The following AUTS2 variants were observed in gnomAD, a reference collection of about 807,000 sequenced individuals.
AUTS2 encodes the protein autism susceptibility gene 2 protein.
AUTS2 carries 17 observed loss-of-function variants against 112.4 expected under a neutral mutation model. The ratio of observed to expected loss-of-function variants is 0.15; its 90% CI spans 0.10 to 0.23. The LOEUF (loss-of-function observed/expected upper bound fraction) is 0.23. AUTS2 is among the 10% of genes least tolerant of loss of function. The probability of loss-of-function intolerance (pLI) is 1.00; values close to 1 mark genes in which losing one functional copy is unlikely to be tolerated. For synonymous variants in AUTS2, 751 were observed against 702.7 expected (o/e 1.07, Z -1.09); for missense variants, 1,510 against 1,701.6 (o/e 0.89, Z 1.98).
At chr7:69,883,172 A>G (rs564756450) in intron 1 of AUTS2, among the ~76,000 whole-genome samples, 9 of 151,964 alleles carry the variant, frequency 5.9e-5, no homozygotes, top group Non-Finnish European at 1.3e-4. Flanking sequence ...GAAGTGGTCT[A>G]TTTTCCTGGA....
chr7:70,648,623 C>T (rs111550556), intron 5 of AUTS2, among the ~76,000 whole-genome samples: 36 of 152,184 alleles, frequency 2.4e-4, no homozygotes, highest in Middle Eastern at 3.4e-3. Flanking sequence ...ACTTTGTCAC[C>T]CAGGCTGGAG....
intron 4 of AUTS2, among the ~76,000 whole-genome samples, chr7:70,208,726 G>A (rs755269098): frequency 6.6e-6 from 1 of 151,924 alleles, no homozygotes; most frequent in Non-Finnish European, 1.5e-5. Flanking sequence ...TGGGTGGTGA[G>A]GATGTGAGTT....
At chr7:70,755,212 T>C (rs1205318585) in intron 6 of AUTS2, among the ~76,000 whole-genome samples, 1 of 151,826 alleles carries the variant, frequency 6.6e-6, no homozygotes, top group African/African-American at 2.4e-5. Flanking sequence ...AGTTTGAGGC[T>C]GCAATGGGCT....
chr7:70,454,649 C>A (rs184027957), intron 5 of AUTS2, among the ~76,000 whole-genome samples: 89 of 152,324 alleles, frequency 5.8e-4, no homozygotes, highest in African/African-American at 2.1e-3. Context: ...AATCCCAGCA[C>A]TTTGCGACTG....
At chr7:70,055,263 C>T (rs1373398753) in intron 2 of AUTS2, among the ~76,000 whole-genome samples, 7 of 152,104 alleles carry the variant, frequency 4.6e-5, no homozygotes, top group African/African-American at 1.7e-4. Flanking sequence ...GGAGAAACCT[C>T]ATCTCTACTA....
chr7:70,153,519 T>C (rs1384982217), intron 4 of AUTS2, among the ~76,000 whole-genome samples: 1 of 152,210 alleles, frequency 6.6e-6, no homozygotes, highest in Non-Finnish European at 1.5e-5. Flanking sequence ...GCTCCACAGA[T>C]ATATTTATAG....
intron 2 of AUTS2, among the ~76,000 whole-genome samples, chr7:69,987,804 T>G (rs534044137): frequency 2.2e-4 from 33 of 152,196 alleles, no homozygotes; most frequent in Non-Finnish European, 4.7e-4. Context: ...GTCATGACTA[T>G]TTTGACTATT....
chr7:70,321,559 A>T (rs1790254374), intron 4 of AUTS2, among the ~76,000 whole-genome samples: 1 of 152,176 alleles, frequency 6.6e-6, no homozygotes, highest in African/African-American at 2.4e-5. Flanking sequence ...AGTTTGGAGC[A>T]CCTTTGGGTG....
intron 6 of AUTS2, among the ~76,000 whole-genome samples, chr7:70,727,007 G>A (rs555187692): frequency 1.3e-5 from 2 of 152,132 alleles, no homozygotes; most frequent in African/African-American, 2.4e-5. Flanking sequence ...TCACTTCTCC[G>A]TGCCAGCTTT....
At chr7:69,915,720 A>T (rs1795549705) in intron 2 of AUTS2, among the ~76,000 whole-genome samples, 1 of 152,130 alleles carries the variant, frequency 6.6e-6, no homozygotes, top group African/African-American at 2.4e-5. Flanking sequence ...TTGAATAGAA[A>T]TTTTTATTTA....
rs116979117 is a variant in AUTS2 at position 70,626,488 on chromosome 7, A to G, written c.691-72081A>G. ...GGCTAGGTACCAGACAATGAAATATATTTTTTAAATAACTCACTTTTTAAA... is the reference window on the plus strand; with the variant it reads ...GGCTAGGTACCAGACAATGAAATATGTTTTTTAAATAACTCACTTTTTAAA... On this transcript the variant is annotated intron_variant, in intron 5 of 18. Coordinates refer to ENST00000342771, the MANE Select transcript of AUTS2 (RefSeq NM_015570.4). Among the ~76,000 whole-genome samples the G allele has an allele frequency of 3.3e-3, 507 of 151,796 alleles. 10 individuals carry two copies. The East Asian group carries it at 0.051, about 15-fold the overall frequency.
Position 70,122,801 on chromosome 7 carries a change from A to C in AUTS2, c.624+4568A>C, listed in dbSNP as rs146158135. Among the ~76,000 whole-genome samples, 368 of 150,798 alleles carry C rather than the reference A, an allele frequency of 2.4e-3. 3 individuals carry two copies. Among genetic ancestry groups the C allele is most frequent in the African/African-American group, 8.5e-3 (348 of 41,142 alleles). ...AGTCACATTTCCCTCACTCATGTGC[A>C]GGTCTGAGGTTGCAGAGTCCTGTGT... On this transcript the variant is annotated intron_variant, in intron 3 of 18. Coordinates refer to ENST00000342771, the MANE Select transcript of AUTS2 (RefSeq NM_015570.4).
chr7:70,518,407 G>A (rs916631956), intron 5 of AUTS2, among the ~76,000 whole-genome samples: 1 of 152,108 alleles, frequency 6.6e-6, no homozygotes, highest in Non-Finnish European at 1.5e-5. Flanking sequence ...TTTGGGCTGG[G>A]TGCGGTGGCT....
intron 1 of AUTS2, among the ~76,000 whole-genome samples, chr7:69,717,339 G>A (rs1423950928): frequency 6.6e-6 from 1 of 152,208 alleles, no homozygotes; most frequent in East Asian, 1.9e-4. Context: ...GGCTCTGGCT[G>A]ACAAAGCATT....
chr7:70,618,235 G>A (rs1379635243), intron 5 of AUTS2, among the ~76,000 whole-genome samples: 1 of 152,214 alleles, frequency 6.6e-6, no homozygotes, highest in Non-Finnish European at 1.5e-5. Context: ...GAGAGGCCAA[G>A]TGGTTGCCGT....
chr7:69,737,545 A>G (rs1177134024), intron 1 of AUTS2, among the ~76,000 whole-genome samples: 1 of 152,020 alleles, frequency 6.6e-6, no homozygotes, highest in Admixed American at 6.6e-5. Context: ...CCCATATCCC[A>G]TTAGGAACAG....
intron 2 of AUTS2, among the ~76,000 whole-genome samples, chr7:70,108,954 G>T (rs1043444584): frequency 6.6e-6 from 1 of 152,100 alleles, no homozygotes; most frequent in Admixed American, 6.6e-5. Flanking sequence ...CTTCAGTTTG[G>T]CTCCCAAGCC....
At chr7:70,057,813 A>C (rs1802060961) in intron 2 of AUTS2, among the ~76,000 whole-genome samples, 1 of 152,168 alleles carries the variant, frequency 6.6e-6, no homozygotes, top group Non-Finnish European at 1.5e-5. Flanking sequence ...TTCTTGGGAG[A>C]CAGTGCACAT....
intron 2 of AUTS2, among the ~76,000 whole-genome samples, chr7:70,048,393 G>C (rs1801600126): frequency 6.6e-6 from 1 of 152,114 alleles, no homozygotes; most frequent in African/African-American, 2.4e-5. Flanking sequence ...CCAGCTAATA[G>C]CTCCATCCTT....
Sources: gnomAD v4.1 joint callset for allele counts (sites outside exome capture counted in the v4.1 genomes callset) on GRCh38, gnomAD v4.1.1 for gene constraint, MANE v1.5 for transcripts, NCBI Gene and HGNC (gene_info 2026-07-23, HGNC 2026-07-21) for gene names.